The following LYST variants were observed in gnomAD, a reference collection of about 807,000 sequenced individuals.
LYST encodes lysosomal trafficking regulator, also known as lysosomal-trafficking regulator.
A neutral mutation model predicts 413.6 loss-of-function variants in LYST; 192 were observed. The ratio of observed to expected loss-of-function variants is 0.46; its 90% CI spans 0.41 to 0.52. LYST has a LOEUF of 0.52. LYST is among the 20% of genes least tolerant of loss of function. The probability of loss-of-function intolerance (pLI) is 0.00; values close to 1 mark genes in which losing one functional copy is unlikely to be tolerated. For synonymous variants in LYST, 1,525 were observed against 1,567.3 expected, an observed-to-expected ratio of 0.97 and a Z score of 0.64; for missense variants, 3,815 against 4,499.9, an observed-to-expected ratio of 0.85 and a Z score of 4.35.
chr1:235,835,668 T>C (rs1262829898), intron 1 of LYST, among the ~76,000 whole-genome samples: 1 of 152,226 alleles, frequency 6.6e-6, no homozygotes, highest in Non-Finnish European at 1.5e-5. Context: ...TACACACCTG[T>C]ATTCTAATTT....
intron 3 of LYST, among the ~76,000 whole-genome samples, chr1:235,822,198 A>G (rs905969476): frequency 6.6e-6 from 1 of 152,208 alleles, no homozygotes; most frequent in African/African-American, 2.4e-5. Context: ...AAAGCTGTAT[A>G]TTATGGGCTA....
chr1:235,852,506 C>T (rs977392661), intron 1 of LYST, among the ~76,000 whole-genome samples: 15 of 152,176 alleles, frequency 9.9e-5, no homozygotes, highest in African/African-American at 3.4e-4. Context: ...CAATGCAACA[C>T]TCAAGTATAC....
Position 235,686,259 on chromosome 1 carries a change from C to T in LYST, c.10800+690G>A, listed in dbSNP as rs1485679085. Among the ~76,000 whole-genome samples, 2 of 152,082 alleles carry T rather than the reference C, an allele frequency of 1.3e-5. No homozygotes were observed. The highest frequency in any genetic ancestry group is 6.6e-5 in the Admixed American group (1 of 15,266). ...GCACATGCCTGTGGTCCCAGCTACT[C>T]GAGAGGCTGAGGCACGAGAATTGAT... On this transcript the variant is annotated intron_variant, in intron 48 of 52. Transcript: ENST00000389793. The surrounding 1 kb of genome is among the most constrained non-coding windows in gnomAD (Gnocchi z 4.0).
In LYST at chr1:235,720,695, C is replaced by T; in HGVS notation, c.9526G>A (p.Glu3176Lys). ...AACAGATCATTGAGGTCAAGTGTCT[C>T]ACTAACGTAGTCAGCAAGTATAAAT... The part of the protein sequence containing the change: ...FPFILADYVS[E>K]TLDLNDLLIY... Residue 3176 changes from glutamate to lysine, a missense_variant, in exon 40 of 53, where the codon GAG becomes AAG. By Grantham distance (56) the Glu-to-Lys change is moderately conservative. Coordinates refer to ENST00000389793, the MANE Select transcript of LYST (RefSeq NM_000081.4). 6.2e-7 allele frequency: 1 copy of T among 1,613,714 alleles called. No homozygotes were observed. Among genetic ancestry groups the T allele is most frequent in the East Asian group, 2.2e-5 (1 of 44,848 alleles).
chr1:235,715,150 G>GTTA (rs1662723102), intron 42 of LYST, 51 bp downstream of exon 42: 1 of 1,388,442 alleles, frequency 7.2e-7, no homozygotes, highest in African/African-American at 1.4e-5. Context: ...TGTTGTTGTT[G>GTTA]TTGTTTCTGA....
At chr1:235,826,854 G>T (rs189735113) in intron 3 of LYST, among the ~76,000 whole-genome samples, 1 of 151,920 alleles carries the variant, frequency 6.6e-6, no homozygotes, top group Non-Finnish European at 1.5e-5. Context: ...GCTAATTTTT[G>T]TATTTTTTTG....
chr1:235,794,951 A>G (rs1671400811), intron 10 of LYST, among the ~76,000 whole-genome samples: 1 of 152,192 alleles, frequency 6.6e-6, no homozygotes, highest in Admixed American at 6.5e-5. Context: ...GTACAGAATT[A>G]TAAGAAGGAA....
chr1:235,871,121 C>T (rs979820572), upstream of LYST, among the ~76,000 whole-genome samples: 2 of 152,166 alleles, frequency 1.3e-5, no homozygotes, highest in Non-Finnish European at 2.9e-5. Flanking sequence ...TCTTGGTAGC[C>T]ACCTTGAAAC....
intron 1 of LYST, among the ~76,000 whole-genome samples, chr1:235,864,285 ATTTT>A (rs1298744164): frequency 6.6e-6 from 1 of 151,952 alleles, no homozygotes; most frequent in Non-Finnish European, 1.5e-5. Context: ...ATCATTGAAT[ATTTT>A]TTTCTTTAAA....
At chr1:235,801,191 G>GT in intron 8 of LYST, 94 bp from the exon 9 acceptor site, 3 of 821,926 alleles carry the variant, frequency 3.6e-6, no homozygotes, top group South Asian at 1.4e-5. Flanking sequence ...GGCAAAAATA[G>GT]TAATTCAGAG....
chr1:235,662,804 G>T lies in LYST; in HGVS notation c.*136C>A. 1.3e-6 allele frequency: 1 copy of T among 763,932 alleles called. No individual in the cohort carries two copies. Among genetic ancestry groups the T allele is most frequent in the Non-Finnish European group, 2.4e-6 (1 of 415,054 alleles). The allele number at this position is 763,932 out of a possible 1,614,324, so 47.3% of individuals were successfully genotyped here. On this transcript the variant is annotated 3_prime_UTR_variant, in exon 53 of 53. Transcript: ENST00000389793. ...ATGTGACTCTTCAGAATTTTGTGCA[G>T]ATGAATAGACTTTATCATTATTTGG... is the stretch of plus-strand genomic sequence containing the variant.
chr1:235,815,672 A>C (rs192787617), intron 3 of LYST, among the ~76,000 whole-genome samples: 2 of 152,310 alleles, frequency 1.3e-5, no homozygotes, highest in Non-Finnish European at 2.9e-5. Context: ...CCAAGAACAC[A>C]ATCTCATTCA....
intron 11 of LYST, among the ~76,000 whole-genome samples, chr1:235,792,425 C>G (rs1671105059): frequency 6.6e-6 from 1 of 151,900 alleles, no homozygotes; most frequent in Admixed American, 6.6e-5. Context: ...GGCGATTCTC[C>G]TGCCTCAGCC....
At chr1:235,879,282 C>T (rs1681270745) in intron 1 of LYST, among the ~76,000 whole-genome samples, 1 of 152,190 alleles carries the variant, frequency 6.6e-6, no homozygotes, top group African/African-American at 2.4e-5. Flanking sequence ...AATACATTTG[C>T]AGGTATGGGT....
chr1:235,730,462 A>C (rs1664268225), intron 36 of LYST, among the ~76,000 whole-genome samples: 1 of 151,824 alleles, frequency 6.6e-6, no homozygotes, highest in South Asian at 2.1e-4. Flanking sequence ...TATCTATATT[A>C]ATAGATAGAG....
chr1:235,704,337 C>T (rs1314361520), intron 44 of LYST, among the ~76,000 whole-genome samples: 1 of 152,198 alleles, frequency 6.6e-6, no homozygotes, highest in East Asian at 1.9e-4. Flanking sequence ...ACCACACTGC[C>T]TTCCACAGTG....
upstream of LYST, among the ~76,000 whole-genome samples, chr1:235,870,635 C>T (rs150656433): frequency 2.1e-3 from 323 of 152,262 alleles, 3 homozygotes; most frequent in Non-Finnish European, 2.6e-3. Flanking sequence ...TTCATAGCAC[C>T]CATCAGCTTC....
chr1:235,709,004 G>A (rs1323723551), intron 44 of LYST, 87 bp downstream of exon 44: 3 of 1,189,202 alleles, frequency 2.5e-6, no homozygotes, highest in Non-Finnish European at 3.8e-6. Context: ...TAACTTGAGT[G>A]TTTTAAAGGA....
intron 16 of LYST, 46 bp downstream of exon 16, chr1:235,780,819 T>TA (rs2103475545): frequency 1.3e-6 from 1 of 771,578 alleles, no homozygotes; most frequent in Non-Finnish European, 2.0e-6. Flanking sequence ...TAAATATACC[T>TA]AAATACATTT....
Sources: allele counts gnomAD v4.1 joint callset (sites outside exome capture counted in the v4.1 genomes callset), GRCh38; gene constraint gnomAD v4.1.1; non-coding constraint Gnocchi (gnomAD v3.1); transcripts MANE v1.5; gene names NCBI Gene and HGNC (gene_info 2026-07-23, HGNC 2026-07-21).